Variants in HOMER2 observed in about 807,000 individuals in gnomAD.
HOMER2 encodes homer protein homolog 2.
HOMER2 carries 27 observed loss-of-function variants against 47.0 expected under a neutral mutation model. The ratio of observed to expected loss-of-function variants is 0.57; its 90% CI spans 0.42 to 0.79. The LOEUF is 0.79. Ranked by LOEUF, HOMER2 falls within the 30% of genes least tolerant of loss-of-function variation. The probability of loss-of-function intolerance (pLI) is 0.00; values close to 1 mark genes in which losing one functional copy is unlikely to be tolerated. For synonymous variants in HOMER2, 161 were observed against 163.8 expected, an observed-to-expected ratio of 0.98 and a Z score of 0.13; for missense variants, 443 against 435.0, an observed-to-expected ratio of 1.02 and a Z score of -0.16.
chr15:82,954,338 C>A (rs1025783529), upstream of HOMER2, among the ~76,000 whole-genome samples: 26 of 151,832 alleles, frequency 1.7e-4, no homozygotes, highest in Non-Finnish European at 1.5e-5. Flanking sequence ...CTCACCCAGG[C>A]TAGAGTGCAG....
At chr15:82,930,420 C>T (rs946034651) in intron 1 of HOMER2, among the ~76,000 whole-genome samples, 3 of 152,228 alleles carry the variant, frequency 2.0e-5, no homozygotes, top group Non-Finnish European at 2.9e-5. Context: ...CAGAGGTAAG[C>T]GTCCGGTGCA....
At chr15:82,931,780 A>C (rs888415697) in intron 1 of HOMER2, among the ~76,000 whole-genome samples, 45 of 152,232 alleles carry the variant, frequency 3.0e-4, no homozygotes, top group Non-Finnish European at 1.2e-4. Context: ...AGAGGTTGCC[A>C]TGAGCCGAGA....
intron 1 of HOMER2, among the ~76,000 whole-genome samples, chr15:82,909,801 G>T: frequency 6.6e-6 from 1 of 152,090 alleles, no homozygotes; most frequent in Non-Finnish European, 1.5e-5. Context: ...CTTTGAAGAG[G>T]AATTTTACTG....
At chr15:82,899,279 T>G (rs1459194097) in intron 1 of HOMER2, among the ~76,000 whole-genome samples, 1 of 152,252 alleles carries the variant, frequency 6.6e-6, no homozygotes, top group Non-Finnish European at 1.5e-5. Flanking sequence ...TGTCCCTTCA[T>G]GTACTGTCAT....
At chr15:82,944,980 A>G (rs1395449326) in intron 1 of HOMER2, among the ~76,000 whole-genome samples, 4 of 152,066 alleles carry the variant, frequency 2.6e-5, no homozygotes, top group African/African-American at 9.7e-5. Context: ...CGGCCCTGAT[A>G]TTTCCAAACA....
At chr15:82,881,477 A>T (rs79753807) in intron 2 of HOMER2, among the ~76,000 whole-genome samples, 2 of 152,378 alleles carry the variant, frequency 1.3e-5, no homozygotes, top group East Asian at 3.9e-4. Context: ...CTGCTCCAAG[A>T]GTAGTTATTA....
intron 5 of HOMER2, among the ~76,000 whole-genome samples, chr15:82,855,325 C>CCAAAA (rs1486810962): frequency 1.6e-5 from 1 of 61,518 alleles, no homozygotes; most frequent in Admixed American, 2.6e-4. Context: ...ACTCCATCTC[C>CCAAAA]AAAAAAAAAA....
intron 3 of HOMER2, among the ~76,000 whole-genome samples, chr15:82,866,910 T>C (rs895803091): frequency 6.6e-6 from 1 of 152,150 alleles, no homozygotes; most frequent in African/African-American, 2.4e-5. Flanking sequence ...TGGACTAATA[T>C]ACCCTATCAG....
chr15:82,919,287 C>G (rs1418535584), intron 1 of HOMER2, among the ~76,000 whole-genome samples: 1 of 152,220 alleles, frequency 6.6e-6, no homozygotes, highest in Non-Finnish European at 1.5e-5. Context: ...TACCCAACAC[C>G]TCTCTCTGCC....
chr15:82,952,673 G>A lies in HOMER2; in HGVS notation c.-138C>T. On this transcript the variant is annotated 5_prime_UTR_variant, in exon 1 of 9. Coordinates refer to ENST00000450735, the MANE Select transcript of HOMER2 (RefSeq NM_004839.4). ...GCCCCGGCGCCGCTCCATTCCGCGG[G>A]GCTGCGCGGCTGCCACTGCTGCCAC... The A allele has an allele frequency of 3.0e-6, 3 of 993,554 alleles. 1 individual carries two copies. In the South Asian group the frequency reaches 1.4e-4, roughly 45 times the overall value. 61.5% of individuals were successfully genotyped at this position (993,554 alleles called of 1,614,324 possible).
chr15:82,903,422 G>C (rs568640407), intron 1 of HOMER2, among the ~76,000 whole-genome samples: 2 of 151,946 alleles, frequency 1.3e-5, no homozygotes, highest in Admixed American at 1.3e-4. Flanking sequence ...AGACCAGTCT[G>C]ACAAACATGG....
At chr15:82,881,326 T>C (rs1420043212) in intron 2 of HOMER2, among the ~76,000 whole-genome samples, 1 of 152,184 alleles carries the variant, frequency 6.6e-6, no homozygotes, top group Non-Finnish European at 1.5e-5. Flanking sequence ...AAGCTGCTCA[T>C]GAAACAGGCA....
chr15:82,940,175 A>T (rs1198881432), intron 1 of HOMER2, among the ~76,000 whole-genome samples: 1 of 152,052 alleles, frequency 6.6e-6, no homozygotes, highest in Non-Finnish European at 1.5e-5. Flanking sequence ...TATGTAACAA[A>T]GCTGCACATT....
chr15:82,955,490 A>G (rs2054579419), upstream of HOMER2, among the ~76,000 whole-genome samples: 1 of 152,204 alleles, frequency 6.6e-6, no homozygotes, highest in Non-Finnish European at 1.5e-5. Context: ...TTTCAACAGC[A>G]AAATTAGGCT....
chr15:82,871,997 C>A (rs2052189845), intron 3 of HOMER2, among the ~76,000 whole-genome samples: 1 of 152,128 alleles, frequency 6.6e-6, no homozygotes, highest in Non-Finnish European at 1.5e-5. Flanking sequence ...ACTTCCAGCC[C>A]TGGGAGGGAA....
chr15:82,974,285 T>G (rs1294147178), intron 1 of HOMER2, among the ~76,000 whole-genome samples: 3 of 151,446 alleles, frequency 2.0e-5, no homozygotes, highest in Non-Finnish European at 4.4e-5. Flanking sequence ...GTGTCTGTAG[T>G]CCCAGCCACT....
At chr15:82,947,402 A>G (rs1382352117) in intron 1 of HOMER2, among the ~76,000 whole-genome samples, 4 of 152,220 alleles carry the variant, frequency 2.6e-5, no homozygotes, top group Non-Finnish European at 5.9e-5. Context: ...TGTACATGGC[A>G]AGGTAATCTT....
At chr15:82,944,402 C>A (rs1282865141) in intron 1 of HOMER2, among the ~76,000 whole-genome samples, 1 of 152,286 alleles carries the variant, frequency 6.6e-6, no homozygotes. Flanking sequence ...AAAACCAATG[C>A]AAATTAGAAG....
chr15:82,940,772 G>A (rs111895074), intron 1 of HOMER2, among the ~76,000 whole-genome samples: 2,879 of 151,756 alleles, frequency 0.019, 32 homozygotes, highest in Non-Finnish European at 0.031. Flanking sequence ...ATGTGCCTGC[G>A]GCCCCAGCTA....
Sources: allele counts gnomAD v4.1 joint callset (sites outside exome capture counted in the v4.1 genomes callset), GRCh38; gene constraint gnomAD v4.1.1; transcripts MANE v1.5; gene names NCBI Gene and HGNC (gene_info 2026-07-23, HGNC 2026-07-21).